Variants in MEF2A observed in about 807,000 individuals in gnomAD.
The protein encoded by MEF2A is myocyte enhancer factor 2A.
In MEF2A, 28 loss-of-function variants were observed where a neutral mutation model predicts 55.8. The observed-to-expected ratio is 0.50, with a 90% CI of 0.37 to 0.69. MEF2A has a LOEUF of 0.69. Among genes scored for constraint, MEF2A ranks in the 30% least tolerant of loss-of-function variants. MEF2A has a pLI of 0.00. For missense variants in MEF2A, 528 were observed against 626.2 expected (o/e 0.84, Z 1.67); for synonymous variants, 239 against 227.1 (o/e 1.05, Z -0.47).
chr15:99,694,618 A>C (rs1337094308), intron 8 of MEF2A, among the ~76,000 whole-genome samples: 1 of 152,204 alleles, frequency 6.6e-6, no homozygotes, highest in Non-Finnish European at 1.5e-5. Context: ...CTGATGTTTA[A>C]CAGGTATTTA....
chr15:99,709,797 G>A (rs896871257), intron 10 of MEF2A, among the ~76,000 whole-genome samples: 3 of 152,206 alleles, frequency 2.0e-5, no homozygotes, highest in African/African-American at 7.2e-5. Context: ...TATGATATGA[G>A]CTGGGTATAC....
chr15:99,633,063 A>G lies in MEF2A; in HGVS notation c.-57A>G, dbSNP rs2043186454. ...TACGATGCATTAGGGTATTGAAGAA[A>G]ATTAACTTTTGAATTAAATATTTGG... On this transcript the variant is annotated 5_prime_UTR_variant, in exon 3 of 12. Coordinates refer to ENST00000557942, the MANE Select transcript of MEF2A (RefSeq NM_001319206.4). 3 of 1,473,186 alleles carry G rather than the reference A, an allele frequency of 2.0e-6. No homozygotes were observed. The highest frequency in any genetic ancestry group is 1.8e-5 in the Admixed American group (1 of 54,998). The allele number at this position is 1,473,186 out of a possible 1,614,324, so 91.3% of individuals were successfully genotyped here. A position where few individuals can be genotyped will look rare whatever the true frequency, so the allele number is the denominator to read the frequency against.
intron 4 of MEF2A, among the ~76,000 whole-genome samples, chr15:99,667,261 G>T (rs1167279833): frequency 6.6e-6 from 1 of 151,894 alleles, no homozygotes; most frequent in East Asian, 1.9e-4. Flanking sequence ...TTGCTCTGTC[G>T]CCCAGGCTGG....
Position 99,708,928 on chromosome 15 carries a change from C to T in MEF2A, c.1010-1706C>T, listed in dbSNP as rs148342625. 7.2e-4 allele frequency among the ~76,000 whole-genome samples: 110 copies of T among 152,230 alleles called. No homozygotes were observed. The East Asian group carries it at 0.017, about 24-fold the overall frequency. ...AGAGCGTGGGTGGTTAGAATTGAGA[C>T]TAGAGAGGTAAGTAATGATTTGTAG... On this transcript the variant is annotated intron_variant, in intron 10 of 11. Transcript: ENST00000557942.
intron 3 of MEF2A, among the ~76,000 whole-genome samples, chr15:99,636,385 T>A (rs1226534025): frequency 1.3e-5 from 2 of 152,204 alleles, no homozygotes; most frequent in African/African-American, 4.8e-5. Context: ...CTTGCTGTGA[T>A]GCCCAGGCTG....
At chr15:99,602,652 G>GT (rs753708271) in intron 2 of MEF2A, among the ~76,000 whole-genome samples, 56 of 121,674 alleles carry the variant, frequency 4.6e-4, no homozygotes, top group East Asian at 1.7e-3. Flanking sequence ...GACATTCCTG[G>GT]GGTGTGTGTG....
intron 1 of MEF2A, among the ~76,000 whole-genome samples, chr15:99,574,734 G>T (rs1317618807): frequency 6.6e-6 from 1 of 152,148 alleles, no homozygotes; most frequent in Non-Finnish European, 1.5e-5. Flanking sequence ...CTGGCATGCC[G>T]CTCATCTCTT....
chr15:99,633,221 A>T, intron 3 of MEF2A, 48 bp downstream of exon 3: 1 of 1,329,224 alleles, frequency 7.5e-7, no homozygotes, highest in Non-Finnish European at 1.0e-6. Context: ...ATTCTTTTAA[A>T]AAAAGAACAT....
At chr15:99,668,077 A>G (rs898728596) in intron 4 of MEF2A, among the ~76,000 whole-genome samples, 8 of 152,350 alleles carry the variant, frequency 5.3e-5, no homozygotes, top group African/African-American at 1.9e-4. Context: ...AAACTGTTAA[A>G]ATAATAATGG....
chr15:99,583,612 C>G (rs776433895), intron 1 of MEF2A, among the ~76,000 whole-genome samples: 1 of 152,024 alleles, frequency 6.6e-6, no homozygotes, highest in Admixed American at 6.6e-5. Flanking sequence ...TACCATGATA[C>G]TGAAGAGTAG....
Position 99,671,357 on chromosome 15 carries a change from G to A in MEF2A, c.293G>A (p.Ser98Asn), listed in dbSNP as rs1163211811. 8 of 1,612,890 alleles carry A rather than the reference G, an allele frequency of 5.0e-6. No individual in the cohort carries two copies. The highest frequency in any genetic ancestry group is 6.8e-6 in the Non-Finnish European group (8 of 1,179,004). Residue 98 changes from serine (S) to asparagine (N), a missense_variant, in exon 5 of 12, where the codon AGC (serine) becomes AAC (asparagine). Physicochemically the swap from Ser to Asn is conservative, Grantham distance 46 (BLOSUM62 1). Coordinates refer to ENST00000557942, the MANE Select transcript of MEF2A (RefSeq NM_001319206.4). ...AAGAAAGGCCTTAATGGTTGTGAGA[G>A]CCCTGATGCTGACGATTACTTTGAG... ...LRKKGLNGCE[S>N]PDADDYFEHS...
intron 2 of MEF2A, among the ~76,000 whole-genome samples, chr15:99,608,691 G>C (rs1195651597): frequency 6.6e-6 from 1 of 152,118 alleles, no homozygotes; most frequent in Non-Finnish European, 1.5e-5. Context: ...CTGAGGTCAG[G>C]AGTTTGAGAC....
intron 3 of MEF2A, among the ~76,000 whole-genome samples, chr15:99,643,446 G>A (rs1431686040): frequency 6.6e-6 from 1 of 152,080 alleles, no homozygotes; most frequent in Non-Finnish European, 1.5e-5. Context: ...CATGTCATAA[G>A]TGATAGTATT....
At chr15:99,580,286 C>T (rs1965544955) in intron 1 of MEF2A, among the ~76,000 whole-genome samples, 1 of 152,118 alleles carries the variant, frequency 6.6e-6, no homozygotes, top group African/African-American at 2.4e-5. Context: ...TCTTTGTCTT[C>T]AGGCTGTGCT....
At chr15:99,601,024 C>T (rs1022075808) in intron 2 of MEF2A, among the ~76,000 whole-genome samples, 6 of 152,126 alleles carry the variant, frequency 3.9e-5, no homozygotes, top group Non-Finnish European at 4.4e-5. Context: ...CTTATTAATG[C>T]GTGAGCTTGG....
intron 1 of MEF2A, among the ~76,000 whole-genome samples, chr15:99,592,492 C>T (rs1368357604): frequency 1.3e-5 from 2 of 152,038 alleles, no homozygotes; most frequent in Non-Finnish European, 2.9e-5. Context: ...CTGTGTTAGT[C>T]TGTTTGCATT....
At chr15:99,656,765 CA>C (rs2047788387) in intron 4 of MEF2A, among the ~76,000 whole-genome samples, 1 of 152,114 alleles carries the variant, frequency 6.6e-6, no homozygotes, top group Non-Finnish European at 1.5e-5. Context: ...ATGTGGTAGG[CA>C]TACCTGAGAT....
At chr15:99,589,627 T>TA (rs747808503) in intron 1 of MEF2A, among the ~76,000 whole-genome samples, 5 of 152,148 alleles carry the variant, frequency 3.3e-5, no homozygotes, top group African/African-American at 4.8e-5. Context: ...AATACGCACT[T>TA]AAAAGCTGTA....
chr15:99,586,740 G>A (rs529289257), intron 1 of MEF2A, among the ~76,000 whole-genome samples: 1 of 152,112 alleles, frequency 6.6e-6, no homozygotes, highest in South Asian at 2.1e-4. Context: ...CCTTACATGG[G>A]GCAGTGGGAT....
Sources: allele counts gnomAD v4.1 joint callset (sites outside exome capture counted in the v4.1 genomes callset), GRCh38; gene constraint gnomAD v4.1.1; transcripts MANE v1.5; gene names NCBI Gene and HGNC (gene_info 2026-07-23, HGNC 2026-07-21).